DNAJC15: variants seen among roughly 807,000 people sequenced by gnomAD.
DNAJC15 encodes DnaJ heat shock protein family (Hsp40) member C15.
In DNAJC15, 27 loss-of-function variants were observed where a neutral mutation model predicts 22.4. That is an observed-to-expected ratio of 1.20 (90% CI 0.89 to 1.66). The LOEUF is 1.66. Ranked by LOEUF, DNAJC15 falls within the 40% of genes most tolerant of loss-of-function variation. The probability of loss-of-function intolerance (pLI) is 0.00; values close to 1 mark genes in which losing one functional copy is unlikely to be tolerated. For missense variants in DNAJC15, 208 were observed against 187.1 expected (o/e 1.11, Z -0.65); for synonymous variants, 79 against 63.2 (o/e 1.25, Z -1.19).
chr13:43,056,632 C>G (rs1198752656), intron 1 of DNAJC15, among the ~76,000 whole-genome samples: 1 of 152,148 alleles, frequency 6.6e-6, no homozygotes, highest in Non-Finnish European at 1.5e-5. Context: ...AGTGAAGTCC[C>G]CCACTGTTAT....
At chr13:43,099,033 A>T (rs893383034) in intron 5 of DNAJC15, among the ~76,000 whole-genome samples, 6 of 152,090 alleles carry the variant, frequency 3.9e-5, no homozygotes, top group Non-Finnish European at 8.8e-5. Context: ...CAGAGACATG[A>T]TGTTTTTCTA....
intron 3 of DNAJC15, among the ~76,000 whole-genome samples, chr13:43,071,317 G>T (rs2040608098): frequency 6.6e-6 from 1 of 152,138 alleles, no homozygotes; most frequent in Non-Finnish European, 1.5e-5. Flanking sequence ...CCTGGTACCT[G>T]CGTTTCTTAA....
At chr13:43,094,055 T>G (rs1358965479) in intron 5 of DNAJC15, among the ~76,000 whole-genome samples, 1 of 152,236 alleles carries the variant, frequency 6.6e-6, no homozygotes, top group Non-Finnish European at 1.5e-5. Flanking sequence ...TTGCAGATAT[T>G]CTTCCTTGCT....
intron 5 of DNAJC15, among the ~76,000 whole-genome samples, chr13:43,102,931 TG>T (rs2040777082): frequency 6.6e-6 from 1 of 152,150 alleles, no homozygotes; most frequent in Non-Finnish European, 1.5e-5. Context: ...TTTTTATTTA[TG>T]GGAAGGTTTT....
intron 2 of DNAJC15, among the ~76,000 whole-genome samples, chr13:43,067,214 C>T (rs2040588285): frequency 6.6e-6 from 1 of 151,942 alleles, no homozygotes; most frequent in African/African-American, 2.4e-5. Context: ...TATTTATTTT[C>T]TCACAATTAT....
rs149680947 is a variant in DNAJC15, at chr13:43,073,863, GTTTTTTTT to G, written c.235-4746_235-4739del. Among the ~76,000 whole-genome samples, 1,069 of 142,762 alleles carry G rather than the reference GTTTTTTTT, an allele frequency of 7.5e-3. 4 individuals carry two copies. Among genetic ancestry groups the G allele is most frequent in the Non-Finnish European group, 0.012 (778 of 64,904 alleles). The allele number at this position is 142,762 out of a possible 152,430, so 93.7% of individuals were successfully genotyped here. The stretch of plus-strand genomic sequence containing the variant: ...CAAGTGCCCTTTTGCTTGTTTTTTT[GTTTTTTTT>G]TTAAATTAATGTATTAATGTATATT... On this transcript the variant is annotated intron_variant, in intron 3 of 5. Coordinates refer to ENST00000379221, the MANE Select transcript of DNAJC15 (RefSeq NM_013238.3).
At chr13:43,039,201 G>T (rs1054044360) in intron 1 of DNAJC15, among the ~76,000 whole-genome samples, 1 of 152,092 alleles carries the variant, frequency 6.6e-6, no homozygotes, top group Admixed American at 6.5e-5. Context: ...GTAACTTCTC[G>T]GGCCCTCAGT....
At position 43,113,400 on chromosome 13, in the gene DNAJC15, G is replaced by A. The variant is rs2040833545; in HGVS notation, c.*6152G>A. 6.6e-6 allele frequency: 1 copy of A among 151,764 alleles called. No individual in the cohort carries two copies. The highest frequency in any genetic ancestry group is 6.6e-5 in the Admixed American group (1 of 15,264). The allele number at this position is 151,764 out of a possible 1,614,324, so 9.4% of individuals were successfully genotyped here. A position where few individuals can be genotyped will look rare whatever the true frequency, so the allele number is the denominator to read the frequency against. On this transcript the variant is annotated 3_prime_UTR_variant, in exon 6 of 6. Coordinates refer to ENST00000379221, the MANE Select transcript of DNAJC15 (RefSeq NM_013238.3). ...TATTTGTCCATGCCATACTTTTTTT[G>A]CCAAATTCCAAAATTGTGTATAGTT...
At chr13:43,053,285 A>T (rs984634475) in intron 1 of DNAJC15, among the ~76,000 whole-genome samples, 1 of 152,182 alleles carries the variant, frequency 6.6e-6, no homozygotes, top group Non-Finnish European at 1.5e-5. Context: ...TACCAGTACC[A>T]TGCTGTTTTG....
In DNAJC15 at chr13:43,027,819, G is replaced by A. The variant is rs574108066; in HGVS notation, c.108+4085G>A. Among the ~76,000 whole-genome samples the A allele has an allele frequency of 5.5e-4, 84 of 152,184 alleles. No individual in the cohort carries two copies. The South Asian group carries it at 0.017, about 31-fold the overall frequency. On this transcript the variant is annotated intron_variant, in intron 1 of 5. Coordinates refer to ENST00000379221, the MANE Select transcript of DNAJC15 (RefSeq NM_013238.3). Reference sequence around the variant, plus strand: ...CCACAGGCGCCTGCCACCACGCCCAGCTAATTTTTGTATTTTCAGTAGAGA... The same window carrying A: ...CCACAGGCGCCTGCCACCACGCCCAACTAATTTTTGTATTTTCAGTAGAGA...
intron 1 of DNAJC15, among the ~76,000 whole-genome samples, chr13:43,034,819 C>T (rs2040422183): frequency 6.6e-6 from 1 of 152,092 alleles, no homozygotes; most frequent in African/African-American, 2.4e-5. Flanking sequence ...TTGAGCACTT[C>T]CTTGCTTTCT....
chr13:43,066,542 T>C (rs1304588695), intron 2 of DNAJC15, among the ~76,000 whole-genome samples: 9 of 152,248 alleles, frequency 5.9e-5, no homozygotes, highest in Admixed American at 5.9e-4. Context: ...AAGTCAGTTT[T>C]ATTACATAAG....
intron 3 of DNAJC15, among the ~76,000 whole-genome samples, chr13:43,073,394 T>G (rs138055328): frequency 1.6e-4 from 25 of 152,316 alleles, no homozygotes; most frequent in African/African-American, 6.0e-4. Flanking sequence ...TGGGATCTGC[T>G]GGTATGCCTC....
At chr13:43,043,644 T>A (rs1461179719) in intron 1 of DNAJC15, among the ~76,000 whole-genome samples, 1 of 152,230 alleles carries the variant, frequency 6.6e-6, no homozygotes, top group Non-Finnish European at 1.5e-5. Context: ...GGGGTAAGCC[T>A]AAGAGTTTTG....
At position 43,113,723 on chromosome 13, in the gene DNAJC15, T is replaced by TA. The variant is rs1210685100; in HGVS notation, c.*6477dup. 3.9e-5 allele frequency: 6 copies of TA among 152,226 alleles called. No homozygotes were observed. The highest frequency in any genetic ancestry group is 1.2e-4 in the African/African-American group (5 of 41,446). The allele number at this position is 152,226 out of a possible 1,614,324, so 9.4% of individuals were successfully genotyped here. ...CTTTCCTTCTGTAAATGTGAATAGT[T>TA]AAGAGTTGACTGCAGAAGTGTTTAC... On this transcript the variant is annotated 3_prime_UTR_variant, in exon 6 of 6. Coordinates refer to ENST00000379221, the MANE Select transcript of DNAJC15 (RefSeq NM_013238.3).
intron 5 of DNAJC15, among the ~76,000 whole-genome samples, chr13:43,093,767 A>C (rs2040726345): frequency 6.6e-6 from 1 of 152,136 alleles, no homozygotes; most frequent in African/African-American, 2.4e-5. Flanking sequence ...TAAAATATTA[A>C]ACTTCTTATA....
rs1485717869 is a variant in DNAJC15 at position 43,109,127 on chromosome 13, T to G, written c.*1879T>G. 6.6e-6 allele frequency: 1 copy of G among 152,228 alleles called. No individual in the cohort carries two copies. The highest frequency in any genetic ancestry group is 2.4e-5 in the African/African-American group (1 of 41,462). The allele number at this position is 152,228 out of a possible 1,614,324, so 9.4% of individuals were successfully genotyped here. The stretch of plus-strand genomic sequence containing the variant: ...GAGCAGGCATTGTATCTGTCTTGTT[T>G]GGTGTTACATTGGCACCCAATAAAT... On this transcript the variant is annotated 3_prime_UTR_variant, in exon 6 of 6. Transcript: ENST00000379221.
At chr13:43,093,777 A>G (rs1050466723) in intron 5 of DNAJC15, among the ~76,000 whole-genome samples, 4 of 152,170 alleles carry the variant, frequency 2.6e-5, no homozygotes, top group Non-Finnish European at 5.9e-5. Flanking sequence ...AACTTCTTAT[A>G]TATTAGTATA....
chr13:43,029,803 T>C (rs2040396526), intron 1 of DNAJC15, among the ~76,000 whole-genome samples: 1 of 152,168 alleles, frequency 6.6e-6, no homozygotes, highest in African/African-American at 2.4e-5. Context: ...TTAGATATTC[T>C]TTATAGATGG....
Sources: gnomAD v4.1 joint callset for allele counts (sites outside exome capture counted in the v4.1 genomes callset) on GRCh38, gnomAD v4.1.1 for gene constraint, MANE v1.5 for transcripts, NCBI Gene and HGNC (gene_info 2026-07-23, HGNC 2026-07-21) for gene names.